The following HMGXB4 variants were observed in gnomAD, a reference collection of about 807,000 sequenced individuals.
HMGXB4 encodes the protein HMG-box containing 4, also known as HMG domain-containing protein 4.
Under a neutral mutation model 63.9 loss-of-function variants are expected in HMGXB4, and 27 were observed. The ratio of observed to expected loss-of-function variants is 0.42; its 90% CI spans 0.31 to 0.58. HMGXB4 has a LOEUF of 0.58. Ranked by LOEUF, HMGXB4 falls within the 20% of genes least tolerant of loss-of-function variation. The probability of loss-of-function intolerance (pLI) is 0.13; values close to 1 mark genes in which losing one functional copy is unlikely to be tolerated. For missense variants in HMGXB4, 624 were observed against 700.7 expected (o/e 0.89, Z 1.24); for synonymous variants, 264 against 265.3 (o/e 0.99, Z 0.05).
intron 1 of HMGXB4, chr22:35,261,778 C>G (rs923220257): frequency 6.6e-6 from 1 of 152,154 alleles, no homozygotes; most frequent in Non-Finnish European, 1.5e-5. Flanking sequence ...TCGCCCCCCC[C>G]AAAAAATGCA....
Position 35,265,096 on chromosome 22 carries a change from C to T in HMGXB4, c.708C>T (p.Leu236=), listed in dbSNP as rs2146404091. The change falls in exon 5 of 11, where the codon CTC becomes CTT. Residue 236 remains leucine (L), a synonymous_variant. Coordinates refer to ENST00000216106, the MANE Select transcript of HMGXB4 (RefSeq NM_001003681.3). The stretch of plus-strand genomic sequence containing the variant: ...CTCGGGATGAGCAGGGTGCTTTACT[C>T]CTAGGACATGAGTTACAGAGCTTTC... ...KSARDEQGAL[L]LGHELQSFLK... The T allele has an allele frequency of 6.2e-7, 1 of 1,614,112 alleles. No individual in the cohort carries two copies. The highest frequency in any genetic ancestry group is 8.5e-7 in the Non-Finnish European group (1 of 1,180,010).
chr22:35,277,959 A>C (rs139129768), intron 5 of HMGXB4, among the ~76,000 whole-genome samples: 51 of 152,330 alleles, frequency 3.3e-4, no homozygotes, highest in Non-Finnish European at 5.6e-4. Flanking sequence ...CGTATCCGCC[A>C]TCACAGTCTC....
rs190589607 is a variant in HMGXB4 at position 35,278,759 on chromosome 22, C to A, written c.1216-5203C>A. Among the ~76,000 whole-genome samples, 244 of 151,466 alleles carry A rather than the reference C, an allele frequency of 1.6e-3. 1 individual carries two copies. Among genetic ancestry groups the A allele is most frequent in the Non-Finnish European group, 3.0e-3 (205 of 67,876 alleles). ...AAACTCCTGGGCTCAATTGATTATCCCACCTCGGCCTCCTGAGTAGCTGGG... is the reference window on the plus strand; with the variant it reads ...AAACTCCTGGGCTCAATTGATTATCACACCTCGGCCTCCTGAGTAGCTGGG... On this transcript the variant is annotated intron_variant, in intron 5 of 10. Transcript: ENST00000216106.
At chr22:35,253,094 T>C (rs1922253173), upstream of HMGXB4, among the ~76,000 whole-genome samples, 1 of 132,502 alleles carries the variant, frequency 7.5e-6, no homozygotes, top group African/African-American at 2.9e-5. Context: ...GTCATGCCAC[T>C]GCACTCCAGC....
At chr22:35,282,215 C>CA (rs1234363211) in intron 5 of HMGXB4, among the ~76,000 whole-genome samples, 1 of 152,162 alleles carries the variant, frequency 6.6e-6, no homozygotes, top group Non-Finnish European at 1.5e-5. Context: ...CTCGCTCTGT[C>CA]GCCCAGGCTG....
chr22:35,257,974 G>T (rs1333311874), intron 1 of HMGXB4: 1 of 152,200 alleles, frequency 6.6e-6, no homozygotes, highest in Non-Finnish European at 1.5e-5. Flanking sequence ...CGATGCGGGG[G>T]TCCCTCGGGC....
rs773686909 is a variant in HMGXB4 at position 35,265,028 on chromosome 22, C to G, written c.640C>G (p.Pro214Ala). ...SSVDEESFQY[P>A]SQQATVKKSS... ...TGTTGATGAGGAGTCTTTTCAATATCCCTCCCAACAAGCGACTGTGAAAAA... is the reference window on the plus strand; with the variant it reads ...TGTTGATGAGGAGTCTTTTCAATATGCCTCCCAACAAGCGACTGTGAAAAA... The change falls in exon 5 of 11, where the codon CCC (proline) becomes GCC (alanine). Residue 214 changes from proline (P) to alanine (A), a missense_variant. By Grantham distance (27) the Pro-to-Ala change is conservative. Transcript: ENST00000216106. 1 of 1,613,722 alleles carries G rather than the reference C, an allele frequency of 6.2e-7. No homozygotes were observed. The highest frequency in any genetic ancestry group is 8.5e-7 in the Non-Finnish European group (1 of 1,179,826).
chr22:35,265,977 C>T (rs1303775329), intron 5 of HMGXB4, among the ~76,000 whole-genome samples: 1 of 147,186 alleles, frequency 6.8e-6, no homozygotes, highest in Non-Finnish European at 1.5e-5. Context: ...TTAATAGAGA[C>T]GAGGTTTCAC....
intron 5 of HMGXB4, among the ~76,000 whole-genome samples, chr22:35,272,047 T>A (rs1044133800): frequency 2.0e-5 from 3 of 152,112 alleles, no homozygotes; most frequent in Admixed American, 2.0e-4. Flanking sequence ...GGAACTTGGG[T>A]GAGAAATTGG....
intron 6 of HMGXB4, 46 bp downstream of exon 6, chr22:35,284,089 C>G: frequency 7.6e-7 from 1 of 1,312,164 alleles, no homozygotes; most frequent in Non-Finnish European, 1.1e-6. Flanking sequence ...CCATTTATAT[C>G]TTGAAGCAGT....
rs1415883925 is a variant in HMGXB4 at position 35,264,764 on chromosome 22, C to T, written c.376C>T (p.Pro126Ser). 5.0e-6 allele frequency: 8 copies of T among 1,614,064 alleles called. No homozygotes were observed. The South Asian group carries it at 7.7e-5, about 16-fold the overall frequency. Residue 126 changes from proline (P) to serine (S), a missense_variant, in exon 5 of 11, where the codon CCC becomes TCC. Pro to Ser is a moderately conservative substitution (Grantham distance 74). Transcript: ENST00000216106. Reference protein sequence around the residue: ...ITSPLAAGSKPSKKTGEKSSG... With the variant: ...ITSPLAAGSKSSKKTGEKSSG... The stretch of plus-strand genomic sequence containing the variant: ...TTCCCCACTGGCAGCAGGCTCCAAG[C>T]CCTCCAAAAAGACTGGGGAGAAATC...
intron 4 of HMGXB4, 107 bp from the exon 5 acceptor site, chr22:35,264,541 T>C: frequency 1.3e-6 from 1 of 754,850 alleles, no homozygotes; most frequent in Non-Finnish European, 2.2e-6. Context: ...TTCAAATCAT[T>C]CCTGTTAGCC....
In HMGXB4 at chr22:35,294,891, A is replaced by T. The variant is rs1208593446; in HGVS notation, c.*1240A>T. On this transcript the variant is annotated 3_prime_UTR_variant, in exon 11 of 11. Coordinates refer to ENST00000216106, the MANE Select transcript of HMGXB4 (RefSeq NM_001003681.3). ...CTCTGAATCATCTACATTTTAAGGTATTTTACCTCAAAAATGAATCATTGT... is the reference window on the plus strand; with the variant it reads ...CTCTGAATCATCTACATTTTAAGGTTTTTTACCTCAAAAATGAATCATTGT... 6.6e-6 allele frequency: 1 copy of T among 151,868 alleles called. No individual in the cohort carries two copies. Among genetic ancestry groups the T allele is most frequent in the Admixed American group, 6.6e-5 (1 of 15,250 alleles). The allele number at this position is 151,868 out of a possible 1,614,324, so 9.4% of individuals were successfully genotyped here. A position where few individuals can be genotyped will look rare whatever the true frequency, so the allele number is the denominator to read the frequency against.
Position 35,284,027 on chromosome 22 carries a change from T to C in HMGXB4, c.1281T>C (p.Ala427=). 1 of 1,613,478 alleles carries C rather than the reference T, an allele frequency of 6.2e-7. No individual in the cohort carries two copies. Among genetic ancestry groups the C allele is most frequent in the South Asian group, 1.1e-5 (1 of 91,074 alleles). Residue 427 remains alanine (A), a synonymous_variant, in exon 6 of 11, where the codon GCT becomes GCC. Coordinates refer to ENST00000216106, the MANE Select transcript of HMGXB4 (RefSeq NM_001003681.3). ...FCKEYRVTIV[A]DHPGIDFGEL... ...AAGAGTATCGCGTGACCATTGTGGC[T>C]GACCATCCAGGTATAGGTAAGAACA...
intron 1 of HMGXB4, among the ~76,000 whole-genome samples, chr22:35,258,950 G>A (rs2235146): frequency 6.6e-6 from 1 of 152,122 alleles, no homozygotes; most frequent in Non-Finnish European, 1.5e-5. Flanking sequence ...GAAGGTTGTT[G>A]ATTGCAGGAG....
At chr22:35,245,175 A>G in the HMGXB4 span, among the ~76,000 whole-genome samples, 1 of 151,934 alleles carries the variant, frequency 6.6e-6, no homozygotes, top group Admixed American at 6.6e-5. Context: ...CCCGGCCCAT[A>G]TTGGTTATTT....
chr22:35,271,488 T>C (rs932538744), intron 5 of HMGXB4, among the ~76,000 whole-genome samples: 1 of 152,214 alleles, frequency 6.6e-6, no homozygotes, highest in Non-Finnish European at 1.5e-5. Flanking sequence ...GCTAAGTCGT[T>C]GAGAGCGTGG....
intron 9 of HMGXB4, among the ~76,000 whole-genome samples, chr22:35,289,806 G>A (rs1924819757): frequency 6.6e-6 from 1 of 152,080 alleles, no homozygotes; most frequent in Admixed American, 6.5e-5. Flanking sequence ...TAACAATATT[G>A]TCCCCTTAGC....
rs1479220892 is a variant in HMGXB4, at chr22:35,263,085, T to C, written c.39T>C (p.Phe13=). ...TAAACCTGTGCTTCTCAGATTGTTT[T>C]GATGGTGATCATACCTTTGAGGACA... The part of the protein sequence containing the change: ...YDDSVKKEDC[F]DGDHTFEDIG... The change falls in exon 3 of 11, where the codon TTT becomes TTC. Residue 13 remains phenylalanine (F), a synonymous_variant. Coordinates refer to ENST00000216106, the MANE Select transcript of HMGXB4 (RefSeq NM_001003681.3). 1 of 1,613,632 alleles carries C rather than the reference T, an allele frequency of 6.2e-7. No individual in the cohort carries two copies. Among genetic ancestry groups the C allele is most frequent in the Non-Finnish European group, 8.5e-7 (1 of 1,179,904 alleles).
Sources: gnomAD v4.1 joint callset for allele counts (sites outside exome capture counted in the v4.1 genomes callset) on GRCh38, gnomAD v4.1.1 for gene constraint, MANE v1.5 for transcripts, NCBI Gene and HGNC (gene_info 2026-07-23, HGNC 2026-07-21) for gene names.